AGTPBP1: variants seen among roughly 807,000 people sequenced by gnomAD.
AGTPBP1 encodes ATP/GTP binding carboxypeptidase 1, also known as cytosolic carboxypeptidase 1.
A neutral mutation model predicts 143.9 loss-of-function variants in AGTPBP1; 70 were observed. That is an observed-to-expected ratio of 0.49 (90% CI 0.40 to 0.59). The LOEUF is 0.59. Ranked by LOEUF, AGTPBP1 falls within the 20% of genes least tolerant of loss-of-function variation. AGTPBP1 has a pLI of 0.00. For synonymous variants in AGTPBP1, 463 were observed against 500.2 expected, an observed-to-expected ratio of 0.93 and a Z score of 0.99; for missense variants, 1,229 against 1,464.5, an observed-to-expected ratio of 0.84 and a Z score of 2.62.
chr9:85,756,558 T>TAGATAGACAGAGAGATAGAC, the AGTPBP1 span, among the ~76,000 whole-genome samples: 3 of 151,642 alleles, frequency 2.0e-5, no homozygotes, highest in Admixed American at 6.6e-5. Flanking sequence ...GATAGATAGA[T>TAGATAGACAGAGAGATAGAC]AGACAGAGAG....
At chr9:85,676,034 A>G (rs1834810494) in intron 6 of AGTPBP1, among the ~76,000 whole-genome samples, 1 of 152,188 alleles carries the variant, frequency 6.6e-6, no homozygotes, top group Non-Finnish European at 1.5e-5. Flanking sequence ...AAAAATAAAA[A>G]AAAACATTTC....
chr9:85,747,441 G>A, the AGTPBP1 span, among the ~76,000 whole-genome samples: 1 of 152,110 alleles, frequency 6.6e-6, no homozygotes, highest in Non-Finnish European at 1.5e-5. Flanking sequence ...AAGGATTGTT[G>A]AATCTCTAGA....
At chr9:85,663,014 G>A (rs369765855) in intron 8 of AGTPBP1, among the ~76,000 whole-genome samples, 3 of 152,222 alleles carry the variant, frequency 2.0e-5, no homozygotes, top group African/African-American at 7.2e-5. Flanking sequence ...TTGAGAAAGC[G>A]ACCAAGCCAC....
chr9:85,804,964 C>G, the AGTPBP1 span, among the ~76,000 whole-genome samples: 75 of 152,320 alleles, frequency 4.9e-4, no homozygotes, highest in Non-Finnish European at 8.7e-4. Context: ...CTCTCCGCGA[C>G]GCAGGTGATC....
intron 1 of AGTPBP1, among the ~76,000 whole-genome samples, chr9:85,726,056 CAAAAAAAA>C (rs948203314): frequency 7.4e-5 from 3 of 40,806 alleles, no homozygotes; most frequent in East Asian, 6.9e-4. Context: ...GACTCCATCT[CAAAAAAAA>C]AAAAAAAAAA....
At chr9:85,787,883 C>A in the AGTPBP1 span, 12 of 152,138 alleles carry the variant, frequency 7.9e-5, no homozygotes, top group African/African-American at 2.9e-4. Context: ...CTGCTACAGA[C>A]CTTTTCCTTT....
intron 10 of AGTPBP1, among the ~76,000 whole-genome samples, chr9:85,655,981 C>T (rs577053311): frequency 6.6e-6 from 1 of 152,294 alleles, no homozygotes; most frequent in Non-Finnish European, 1.5e-5. Flanking sequence ...GTGCCCGACA[C>T]CACGCCCGGC....
At chr9:85,744,346 G>T (rs1487230603), upstream of AGTPBP1, among the ~76,000 whole-genome samples, 1 of 152,192 alleles carries the variant, frequency 6.6e-6, no homozygotes, top group Non-Finnish European at 1.5e-5. Flanking sequence ...CATCTATGGA[G>T]TGTATTCCCT....
At chr9:85,758,853 A>T in the AGTPBP1 span, among the ~76,000 whole-genome samples, 3 of 152,162 alleles carry the variant, frequency 2.0e-5, no homozygotes, top group Non-Finnish European at 4.4e-5. Flanking sequence ...TTTTCTCAAC[A>T]CCAGTAATGT....
chr9:85,721,255 A>T (rs904251420), intron 1 of AGTPBP1, among the ~76,000 whole-genome samples: 2 of 152,132 alleles, frequency 1.3e-5, no homozygotes, highest in South Asian at 4.1e-4. Context: ...TAATATTTAC[A>T]GTGGGGTGTT....
rs577920344 is a variant in AGTPBP1, at chr9:85,620,754, G to A, written c.2099+448C>T. Among the ~76,000 whole-genome samples, 115 of 152,294 alleles carry A rather than the reference G, an allele frequency of 7.6e-4. 1 individual carries two copies. Among genetic ancestry groups the A allele is most frequent in the African/African-American group, 2.7e-3 (114 of 41,560 alleles). ...CGATTATAAGCAGTAAGAGACAACA[G>A]GGTGTGGTGGGGACTATGGAGAAGG... is the stretch of plus-strand genomic sequence containing the variant. On this transcript the variant is annotated intron_variant, in intron 15 of 25. Coordinates refer to ENST00000357081, the MANE Select transcript of AGTPBP1 (RefSeq NM_001330701.2).
At chr9:85,713,037 C>G (rs2134498448) in intron 1 of AGTPBP1, among the ~76,000 whole-genome samples, 1 of 152,294 alleles carries the variant, frequency 6.6e-6, no homozygotes, top group South Asian at 2.1e-4. Context: ...CACATCTTCC[C>G]TCAAACAATA....
intron 14 of AGTPBP1, among the ~76,000 whole-genome samples, chr9:85,625,904 G>GTTTT (rs368474275): frequency 1.1e-3 from 118 of 105,710 alleles, no homozygotes; most frequent in African/African-American, 3.5e-3. Context: ...ACCTAGTTTT[G>GTTTT]TTTTTTTTTT....
intron 17 of AGTPBP1, among the ~76,000 whole-genome samples, chr9:85,596,876 G>T (rs599198): frequency 6.6e-6 from 1 of 152,290 alleles, no homozygotes; most frequent in East Asian, 1.9e-4. Flanking sequence ...CCTCCCCACC[G>T]TTCTCCATAC....
intron 5 of AGTPBP1, among the ~76,000 whole-genome samples, chr9:85,677,830 C>A (rs1834929058): frequency 6.6e-6 from 1 of 151,976 alleles, no homozygotes; most frequent in Admixed American, 6.6e-5. Context: ...ATGGTGAAAC[C>A]CCGTCTCAAC....
chr9:85,768,556 A>ATTT, the AGTPBP1 span, among the ~76,000 whole-genome samples: 2 of 152,228 alleles, frequency 1.3e-5, no homozygotes, highest in African/African-American at 4.8e-5. Context: ...TCTATATTGG[A>ATTT]TAATTCACTT....
chr9:85,563,025 C>A (rs1826842956), intron 25 of AGTPBP1, among the ~76,000 whole-genome samples: 1 of 152,172 alleles, frequency 6.6e-6, no homozygotes, highest in African/African-American at 2.4e-5. Context: ...TATCAAAGAA[C>A]AAGGCCCTCC....
At chr9:85,787,164 AT>A in the AGTPBP1 span, among the ~76,000 whole-genome samples, 5 of 152,068 alleles carry the variant, frequency 3.3e-5, no homozygotes, top group African/African-American at 9.7e-5. Flanking sequence ...GTTTCTGGAA[AT>A]TTTTTGGATT....
At chr9:85,585,397 T>C (rs749769964) in intron 23 of AGTPBP1, 66 bp downstream of exon 23, 26 of 1,398,958 alleles carry the variant, frequency 1.9e-5, no homozygotes, top group East Asian at 2.6e-5. Flanking sequence ...AGTTCATATA[T>C]GTTCTTTTCT....
Sources: allele counts gnomAD v4.1 joint callset (sites outside exome capture counted in the v4.1 genomes callset), GRCh38; gene constraint gnomAD v4.1.1; transcripts MANE v1.5; gene names NCBI Gene and HGNC (gene_info 2026-07-23, HGNC 2026-07-21).